Variants in GNAL observed in about 807,000 individuals in gnomAD.
GNAL encodes the protein guanine nucleotide-binding protein G(olf) subunit alpha.
A neutral mutation model predicts 55.1 loss-of-function variants in GNAL; 18 were observed. That is an observed-to-expected ratio of 0.33 (90% CI 0.23 to 0.48). The LOEUF is 0.48. Ranked by LOEUF, GNAL falls within the 20% of genes least tolerant of loss-of-function variation. The pLI is 0.99. For missense variants in GNAL, 412 were observed against 614.1 expected, an observed-to-expected ratio of 0.67 and a Z score of 3.48; for synonymous variants, 253 against 237.0, an observed-to-expected ratio of 1.07 and a Z score of -0.62.
chr18:11,881,113 T>A lies in GNAL; in HGVS notation c.1355T>A (p.Leu452His). ...CGCGACATCATCCAGCGGATGCACC[T>A]CAAGCAGTATGAGCTCTTGTGAGGA... ...DCRDIIQRMH[L>H]KQYELL Residue 452 changes from leucine to histidine, a missense_variant, in exon 12 of 12, where the codon CTC becomes CAC. By Grantham distance (99) the Leu-to-His change is moderately conservative. Transcript: ENST00000334049. This position sits in a 1 kb window ranked among gnomAD's most constrained non-coding sequence, Gnocchi z 4.8. 1 of 1,611,214 alleles carries A rather than the reference T, an allele frequency of 6.2e-7. No individual in the cohort carries two copies. Among genetic ancestry groups the A allele is most frequent in the Non-Finnish European group, 8.5e-7 (1 of 1,178,698 alleles).
chr18:11,773,228 C>T (rs1436150777), intron 4 of GNAL, among the ~76,000 whole-genome samples: 2 of 152,204 alleles, frequency 1.3e-5, no homozygotes, highest in African/African-American at 4.8e-5. Flanking sequence ...CCCATAGTTA[C>T]CCATTTTTTG....
At chr18:11,859,487 G>T (rs1255913719) in intron 5 of GNAL, among the ~76,000 whole-genome samples, 1 of 152,178 alleles carries the variant, frequency 6.6e-6, no homozygotes, top group Non-Finnish European at 1.5e-5. Flanking sequence ...TCCAAACCAG[G>T]CCTCAGGCAA....
chr18:11,785,122 T>G (rs1443373342), intron 4 of GNAL, among the ~76,000 whole-genome samples: 1 of 152,206 alleles, frequency 6.6e-6, no homozygotes, highest in Non-Finnish European at 1.5e-5. Flanking sequence ...ATTGGAAATG[T>G]GCACCTGTCT....
intron 9 of GNAL, among the ~76,000 whole-genome samples, chr18:11,871,647 A>T (rs1281415837): frequency 6.6e-6 from 1 of 152,230 alleles, no homozygotes; most frequent in Non-Finnish European, 1.5e-5. Flanking sequence ...AGCCAGCTGC[A>T]TGTTAAGCTC....
chr18:11,881,399 A>C lies in GNAL; in HGVS notation c.*264A>C. On this transcript the variant is annotated 3_prime_UTR_variant, in exon 12 of 12. Transcript: ENST00000334049. This position sits in a 1 kb window ranked among gnomAD's most constrained non-coding sequence, Gnocchi z 4.8. ...CTGCAGCAGAATCTCTCCGGGTGGG[A>C]GCCCCATTATTCATTCTCCCTTTAT... The C allele has an allele frequency of 5.4e-6, 2 of 367,442 alleles. No homozygotes were observed. The highest frequency in any genetic ancestry group is 6.8e-5 in the South Asian group (1 of 14,700). The allele number at this position is 367,442 out of a possible 1,614,324, so 22.8% of individuals were successfully genotyped here. A position where few individuals can be genotyped will look rare whatever the true frequency, so the allele number is the denominator to read the frequency against.
At chr18:11,743,373 C>T (rs2032621103) in intron 1 of GNAL, among the ~76,000 whole-genome samples, 2 of 151,680 alleles carry the variant, frequency 1.3e-5, no homozygotes. Context: ...CATTGTTCCT[C>T]TGTCTTTTTG....
chr18:11,720,448 T>C (rs2032068460), intron 1 of GNAL, among the ~76,000 whole-genome samples: 1 of 152,252 alleles, frequency 6.6e-6, no homozygotes, highest in South Asian at 2.1e-4. Context: ...AGATGTCATC[T>C]GTCAATGCTG....
At chr18:11,757,987 G>A (rs1342535511) in intron 4 of GNAL, among the ~76,000 whole-genome samples, 2 of 152,146 alleles carry the variant, frequency 1.3e-5, no homozygotes, top group East Asian at 3.8e-4. Flanking sequence ...TTGCTGTGGA[G>A]GAAGGCTGAG....
At position 11,752,391 on chromosome 18, in the gene GNAL, G is replaced by T; in HGVS notation, c.377-462G>T. On this transcript the variant is annotated intron_variant, in intron 1 of 11. Coordinates refer to ENST00000334049, the MANE Select transcript of GNAL (RefSeq NM_182978.4). This position sits in a 1 kb window ranked among gnomAD's most constrained non-coding sequence, Gnocchi z 4.5. ...CGTCTCCAACTCTCTATTGCTTTTT[G>T]CGCACATTCCTAACTTCCTGACGTC... 6.4e-7 allele frequency: 1 copy of T among 1,574,316 alleles called. No individual in the cohort carries two copies. The highest frequency in any genetic ancestry group is 8.6e-7 in the Non-Finnish European group (1 of 1,165,280).
At chr18:11,768,124 T>C (rs768678245) in intron 4 of GNAL, among the ~76,000 whole-genome samples, 3 of 152,208 alleles carry the variant, frequency 2.0e-5, no homozygotes, top group Non-Finnish European at 4.4e-5. Flanking sequence ...CCACTAAACA[T>C]GCCTTTACTG....
intron 4 of GNAL, among the ~76,000 whole-genome samples, chr18:11,799,104 G>A (rs1439072874): frequency 6.7e-6 from 1 of 149,748 alleles, no homozygotes; most frequent in Non-Finnish European, 1.5e-5. Context: ...CAGAGCGAGA[G>A]TCTGTCTCAA....
chr18:11,831,300 G>A (rs1176754982), intron 5 of GNAL, among the ~76,000 whole-genome samples: 2 of 152,122 alleles, frequency 1.3e-5, no homozygotes, highest in Non-Finnish European at 2.9e-5. Context: ...TGTCCTTCAG[G>A]CCTCCTTGGT....
chr18:11,830,776 A>G (rs767338741), intron 5 of GNAL, among the ~76,000 whole-genome samples: 1 of 152,268 alleles, frequency 6.6e-6, no homozygotes, highest in Non-Finnish European at 1.5e-5. Context: ...CATCCACACA[A>G]TGGAATATTA....
At chr18:11,763,067 A>T (rs754968288) in intron 4 of GNAL, among the ~76,000 whole-genome samples, 5 of 152,126 alleles carry the variant, frequency 3.3e-5, no homozygotes, top group African/African-American at 4.8e-5. Context: ...CTTAAATTCC[A>T]TTTTTTTCTT....
At chr18:11,753,019 T>A in intron 2 of GNAL, 94 bp downstream of exon 2, 3 of 686,454 alleles carry the variant, frequency 4.4e-6, no homozygotes, top group Non-Finnish European at 7.8e-6. Flanking sequence ...TTTAATTTAT[T>A]TGATAATGGA....
Position 11,874,858 on chromosome 18 carries a change from G to A in GNAL, c.1163-1763G>A, listed in dbSNP as rs1226326453. Among the ~76,000 whole-genome samples, 7 of 142,714 alleles carry A rather than the reference G, an allele frequency of 4.9e-5. No homozygotes were observed. The South Asian group carries it at 6.8e-4, about 14-fold the overall frequency. The allele number at this position is 142,714 out of a possible 152,430, so 93.6% of individuals were successfully genotyped here. A position where few individuals can be genotyped will look rare whatever the true frequency, so the allele number is the denominator to read the frequency against. On this transcript the variant is annotated intron_variant, in intron 10 of 11. Transcript: ENST00000334049. ...ACCCACCCCCCACAGCAGGTGCTGC[G>A]CCCTCCCCTGCCCATCACTGGGTGC...
intron 4 of GNAL, among the ~76,000 whole-genome samples, chr18:11,796,575 C>CAAAAAAAA (rs760136358): frequency 0.036 from 2,096 of 58,778 alleles, 160 homozygotes; most frequent in Non-Finnish European, 0.045. Context: ...CTCCTTCTCA[C>CAAAAAAAA]AAAAAAAAAA....
intron 1 of GNAL, among the ~76,000 whole-genome samples, chr18:11,696,228 C>T (rs756790059): frequency 4.6e-5 from 7 of 152,172 alleles, no homozygotes; most frequent in South Asian, 2.1e-4. Context: ...CCTGGCCGAG[C>T]GCGGTGGCTC....
intron 4 of GNAL, among the ~76,000 whole-genome samples, chr18:11,799,906 G>A (rs906139804): frequency 4.0e-5 from 6 of 151,374 alleles, no homozygotes; most frequent in African/African-American, 1.2e-4. Context: ...CCTCTCTCTC[G>A]CCCCTCACTC....
Sources: gnomAD v4.1 joint callset for allele counts (sites outside exome capture counted in the v4.1 genomes callset) on GRCh38, gnomAD v4.1.1 for gene constraint, Gnocchi (gnomAD v3.1) non-coding constraint, MANE v1.5 for transcripts, NCBI Gene and HGNC (gene_info 2026-07-23, HGNC 2026-07-21) for gene names.